GPC5: variants seen among roughly 807,000 people sequenced by gnomAD.
GPC5 encodes the protein glypican 5, also known as glypican-5.
A neutral mutation model predicts 53.9 loss-of-function variants in GPC5; 47 were observed. The ratio of observed to expected loss-of-function variants is 0.87; its 90% confidence interval spans 0.69 to 1.11. GPC5 has a LOEUF of 1.11. Ranked by LOEUF, GPC5 falls within the 50% of genes most tolerant of loss-of-function variation. The probability of loss-of-function intolerance (pLI) is 0.00; values close to 1 mark genes in which losing one functional copy is unlikely to be tolerated. For synonymous variants in GPC5, 286 were observed against 263.3 expected (o/e 1.09, Z -0.84); for missense variants, 748 against 713.1 (o/e 1.05, Z -0.56).
intron 7 of GPC5, among the ~76,000 whole-genome samples, chr13:92,238,674 G>A (rs913281855): frequency 6.6e-6 from 1 of 151,784 alleles, no homozygotes; most frequent in South Asian, 2.1e-4. Flanking sequence ...TCCGTTATTA[G>A]ACATATAATT....
chr13:91,542,667 T>C (rs2138758368), intron 2 of GPC5, among the ~76,000 whole-genome samples: 1 of 152,092 alleles, frequency 6.6e-6, no homozygotes, highest in East Asian at 1.9e-4. Flanking sequence ...GTGATTGCAG[T>C]CTTCCTCAAT....
intron 1 of GPC5, among the ~76,000 whole-genome samples, chr13:91,414,066 G>A (rs1878006494): frequency 6.6e-6 from 1 of 152,170 alleles, no homozygotes; most frequent in Non-Finnish European, 1.5e-5. Context: ...CACTGCCCCA[G>A]TGGTCTAGTT....
At chr13:92,546,540 A>T (rs7490822) in intron 7 of GPC5, among the ~76,000 whole-genome samples, 65,055 of 151,954 alleles carry the variant, frequency 0.43, 14,613 homozygotes, top group African/African-American at 0.56. Flanking sequence ...ATGGAAGACC[A>T]TTCCATGCTC....
intron 7 of GPC5, among the ~76,000 whole-genome samples, chr13:92,213,203 TC>T (rs2042387530): frequency 6.6e-6 from 1 of 152,194 alleles, no homozygotes; most frequent in African/African-American, 2.4e-5. Flanking sequence ...TAACAGATGT[TC>T]CCTACTGTTG....
chr13:92,025,721 T>G (rs1214489416), intron 6 of GPC5, among the ~76,000 whole-genome samples: 8 of 152,208 alleles, frequency 5.3e-5, no homozygotes, highest in African/African-American at 1.7e-4. Flanking sequence ...ATGTCCATTA[T>G]AAGTCTTGGT....
At chr13:92,544,806 T>C (rs1281207837) in intron 7 of GPC5, among the ~76,000 whole-genome samples, 4 of 152,132 alleles carry the variant, frequency 2.6e-5, no homozygotes, top group Non-Finnish European at 5.9e-5. Context: ...TTCCACATTA[T>C]TTAGATAATT....
intron 7 of GPC5, among the ~76,000 whole-genome samples, chr13:92,477,448 G>A (rs988377470): frequency 2.6e-5 from 4 of 152,102 alleles, no homozygotes; most frequent in African/African-American, 7.2e-5. Flanking sequence ...TAAACTTCCT[G>A]TTTGGCATAA....
chr13:92,076,078 ATTT>A (rs34708469), intron 6 of GPC5, among the ~76,000 whole-genome samples: 3 of 146,062 alleles, frequency 2.1e-5, no homozygotes, highest in Admixed American at 1.4e-4. Flanking sequence ...CGAAAGTATA[ATTT>A]TTTTTTTTTT....
rs185798382 is a variant in GPC5 at position 91,737,065 on chromosome 13, T to C, written c.1154+8400T>C. ...CTTTCAGTGAGCTGAGATCATGCCA[T>C]TGCACTCCAGCCTGGGCAACAGAGC... is the stretch of plus-strand genomic sequence containing the variant. On this transcript the variant is annotated intron_variant, in intron 4 of 7. Coordinates refer to ENST00000377067, the MANE Select transcript of GPC5 (RefSeq NM_004466.6). Among the ~76,000 whole-genome samples the C allele has an allele frequency of 1.3e-3, 200 of 151,352 alleles. 2 individuals are homozygous for C. In the Middle Eastern group the frequency reaches 0.031, roughly 23 times the overall value.
chr13:92,044,299 C>T (rs148881011), intron 6 of GPC5, among the ~76,000 whole-genome samples: 21 of 152,134 alleles, frequency 1.4e-4, no homozygotes, highest in Non-Finnish European at 3.1e-4. Context: ...AAAACTAACC[C>T]ACAGGTTAAG....
chr13:91,545,176 T>A (rs2030208803), intron 2 of GPC5, among the ~76,000 whole-genome samples: 1 of 152,204 alleles, frequency 6.6e-6, no homozygotes. Flanking sequence ...GGCAGAGGAT[T>A]AGTCTCTACC....
chr13:92,263,492 A>G (rs770392223), intron 7 of GPC5, among the ~76,000 whole-genome samples: 12 of 152,132 alleles, frequency 7.9e-5, no homozygotes, highest in South Asian at 2.1e-4. Flanking sequence ...TTTAAGAAGA[A>G]AGATTCTGCT....
At chr13:91,519,884 G>GA (rs5805702) in intron 2 of GPC5, among the ~76,000 whole-genome samples, 148,918 of 151,104 alleles carry the variant, frequency 0.99, 73,413 homozygotes, top group Non-Finnish European at 1. Flanking sequence ...GTTGAAAATG[G>GA]AAAAAAAAAT....
intron 1 of GPC5, among the ~76,000 whole-genome samples, chr13:91,432,207 G>GC (rs1246211835): frequency 0.013 from 1,577 of 121,398 alleles, 24 homozygotes; most frequent in African/African-American, 0.045. Context: ...CTGCTGCTGT[G>GC]TGTGTGTGTG....
intron 7 of GPC5, among the ~76,000 whole-genome samples, chr13:92,248,881 T>C (rs9523550): frequency 0.65 from 98,166 of 152,022 alleles, 32,730 homozygotes; most frequent in African/African-American, 0.81. Context: ...ATCAATAACA[T>C]CATTTACATT....
chr13:91,612,695 C>T (rs143929370), intron 2 of GPC5, among the ~76,000 whole-genome samples: 1 of 152,070 alleles, frequency 6.6e-6, no homozygotes, highest in Non-Finnish European at 1.5e-5. Context: ...AAATGCAGGC[C>T]AATACAATGA....
intron 7 of GPC5, among the ~76,000 whole-genome samples, chr13:92,439,576 C>T (rs1209272848): frequency 1.3e-5 from 2 of 151,858 alleles, no homozygotes; most frequent in Non-Finnish European, 2.9e-5. Flanking sequence ...GTGTGGGTAC[C>T]AGAGAGCAGA....
At chr13:91,594,979 T>A (rs993936529) in intron 2 of GPC5, among the ~76,000 whole-genome samples, 2 of 149,282 alleles carry the variant, frequency 1.3e-5, no homozygotes, top group South Asian at 2.1e-4. Flanking sequence ...CTTATTTTTT[T>A]ATTTACATTT....
intron 2 of GPC5, among the ~76,000 whole-genome samples, chr13:91,661,665 G>T (rs2034991487): frequency 6.6e-6 from 1 of 152,180 alleles, no homozygotes; most frequent in Admixed American, 6.5e-5. Context: ...TTGGCACAGA[G>T]AATTGAAAGA....
Sources: gnomAD v4.1 joint callset for allele counts (sites outside exome capture counted in the v4.1 genomes callset) on GRCh38, gnomAD v4.1.1 for gene constraint, MANE v1.5 for transcripts, NCBI Gene and HGNC (gene_info 2026-07-23, HGNC 2026-07-21) for gene names.